The following KCNB2 variants were observed in gnomAD, a reference collection of about 807,000 sequenced individuals.
The protein encoded by KCNB2 is potassium voltage-gated channel subfamily B member 2.
Under a neutral mutation model 61.5 loss-of-function variants are expected in KCNB2, and 15 were observed. The ratio of observed to expected loss-of-function variants is 0.24; its 90% confidence interval spans 0.16 to 0.38. The LOEUF is 0.38. Among genes scored for constraint, KCNB2 ranks in the 10% least tolerant of loss-of-function variants. The pLI, the probability that KCNB2 is intolerant of heterozygous loss-of-function variation, is 1.00. For synonymous variants in KCNB2, 457 were observed against 446.0 expected (o/e 1.02, Z -0.31); for missense variants, 828 against 1,125.2 (o/e 0.74, Z 3.78).
At chr8:72,881,662 T>C (rs1236061915) in intron 2 of KCNB2, 1 of 150,220 alleles carries the variant, frequency 6.7e-6, no homozygotes, top group Non-Finnish European at 1.5e-5. Flanking sequence ...AGAAGTTAGA[T>C]GTTAATATTG....
intron 2 of KCNB2, among the ~76,000 whole-genome samples, chr8:72,885,351 C>G (rs562242919): frequency 1.6e-4 from 25 of 152,172 alleles, no homozygotes; most frequent in Non-Finnish European, 3.2e-4. Flanking sequence ...TTTCTATCCT[C>G]TAAAACACAT....
chr8:72,872,707 G>C (rs542116459), intron 2 of KCNB2, among the ~76,000 whole-genome samples: 2 of 152,218 alleles, frequency 1.3e-5, no homozygotes, highest in Non-Finnish European at 2.9e-5. Flanking sequence ...TAAACGAAGA[G>C]CATGGAGTTA....
At chr8:72,621,613 C>T (rs1805714755) in intron 2 of KCNB2, among the ~76,000 whole-genome samples, 1 of 152,122 alleles carries the variant, frequency 6.6e-6, no homozygotes, top group Non-Finnish European at 1.5e-5. Context: ...TGTTTGGATA[C>T]AGGCATGCAG....
At chr8:72,755,395 C>T (rs1420833119) in intron 2 of KCNB2, among the ~76,000 whole-genome samples, 2 of 152,122 alleles carry the variant, frequency 1.3e-5, no homozygotes, top group Non-Finnish European at 2.9e-5. Context: ...ATTTTTTATG[C>T]AAGATGTTAA....
chr8:72,588,075 T>C (rs1371555378), intron 2 of KCNB2, among the ~76,000 whole-genome samples: 1 of 152,218 alleles, frequency 6.6e-6, no homozygotes, highest in Non-Finnish European at 1.5e-5. Context: ...CAGAACTGGC[T>C]CTGGAAACAT....
chr8:72,700,113 C>T (rs1351683941), intron 2 of KCNB2, among the ~76,000 whole-genome samples: 2 of 152,086 alleles, frequency 1.3e-5, no homozygotes, highest in East Asian at 3.9e-4. Flanking sequence ...CCAAACACCA[C>T]ATGTTCTCAC....
chr8:72,551,957 G>A (rs991855453), intron 1 of KCNB2, among the ~76,000 whole-genome samples: 2 of 152,138 alleles, frequency 1.3e-5, no homozygotes, highest in Non-Finnish European at 2.9e-5. Context: ...ATGGAACCGG[G>A]AGCCCAGTTC....
chr8:72,617,597 C>CA (rs10706658), intron 2 of KCNB2, among the ~76,000 whole-genome samples: 55,515 of 135,974 alleles, frequency 0.41, 11,796 homozygotes, highest in Admixed American at 0.53. Flanking sequence ...CACAGAAGTG[C>CA]AAAAAAAAAA....
At chr8:72,637,632 T>C (rs1204561939) in intron 2 of KCNB2, among the ~76,000 whole-genome samples, 1 of 152,152 alleles carries the variant, frequency 6.6e-6, no homozygotes, top group Non-Finnish European at 1.5e-5. Flanking sequence ...TCTCTCTCAC[T>C]TCTTTAAAAG....
intron 2 of KCNB2, among the ~76,000 whole-genome samples, chr8:72,832,252 CT>C (rs1261267851): frequency 3.3e-5 from 5 of 152,138 alleles, no homozygotes; most frequent in African/African-American, 9.7e-5. Flanking sequence ...ACTCTTTGGA[CT>C]TTATTTTGCA....
intron 2 of KCNB2, among the ~76,000 whole-genome samples, chr8:72,664,127 T>A (rs1259311438): frequency 6.6e-6 from 1 of 152,222 alleles, no homozygotes; most frequent in Non-Finnish European, 1.5e-5. Context: ...CTTTCAAAGC[T>A]GTAAGATCCC....
intron 1 of KCNB2, among the ~76,000 whole-genome samples, chr8:72,565,672 C>A (rs1806613879): frequency 6.6e-6 from 1 of 151,968 alleles, no homozygotes; most frequent in Non-Finnish European, 1.5e-5. Context: ...AACACACACA[C>A]ACACAACACA....
intron 2 of KCNB2, among the ~76,000 whole-genome samples, chr8:72,644,897 G>A (rs901465031): frequency 2.6e-5 from 4 of 152,224 alleles, no homozygotes; most frequent in South Asian, 4.2e-4. Flanking sequence ...AGTCTAGGTC[G>A]GTTGACTCCA....
chr8:72,748,615 T>C (rs1179921875), intron 2 of KCNB2, among the ~76,000 whole-genome samples: 5 of 150,622 alleles, frequency 3.3e-5, no homozygotes, highest in Non-Finnish European at 7.4e-5. Context: ...TTTTGTTGTT[T>C]TTTTTTTTTT....
chr8:72,719,676 C>T (rs1807514864), intron 2 of KCNB2, among the ~76,000 whole-genome samples: 1 of 152,124 alleles, frequency 6.6e-6, no homozygotes, highest in Admixed American at 6.5e-5. Flanking sequence ...AGGTTCCACA[C>T]TTTCCTCCTT....
chr8:72,542,090 A>G (rs1437405039), intron 1 of KCNB2, among the ~76,000 whole-genome samples: 1 of 151,824 alleles, frequency 6.6e-6, no homozygotes, highest in Admixed American at 6.6e-5. Flanking sequence ...CTATGATAAC[A>G]TTATGAAAAC....
intron 2 of KCNB2, among the ~76,000 whole-genome samples, chr8:72,742,829 A>T (rs1270376589): frequency 6.6e-6 from 1 of 152,162 alleles, no homozygotes; most frequent in Non-Finnish European, 1.5e-5. Flanking sequence ...GACTTTACCC[A>T]TGACGTCTGA....
At chr8:72,772,485 G>A (rs542357910) in intron 2 of KCNB2, among the ~76,000 whole-genome samples, 50 of 152,294 alleles carry the variant, frequency 3.3e-4, no homozygotes, top group African/African-American at 1.1e-3. Flanking sequence ...TGAGTTTGAG[G>A]AATCCCGAGA....
At position 72,600,906 on chromosome 8, in the gene KCNB2, G is replaced by A. The variant is rs572316180; in HGVS notation, c.579+32593G>A. Reference sequence around the variant, plus strand: ...TAATAGGTACTAGGCTTAATACCTGGATAATGAAATAGTCAGTACAATAAA... The same window carrying A: ...TAATAGGTACTAGGCTTAATACCTGAATAATGAAATAGTCAGTACAATAAA... On this transcript the variant is annotated intron_variant, in intron 2 of 2. Coordinates refer to ENST00000523207, the MANE Select transcript of KCNB2 (RefSeq NM_004770.3). Among the ~76,000 whole-genome samples the A allele has an allele frequency of 3.3e-5, 5 of 151,800 alleles. No homozygotes were observed. In the East Asian group the frequency reaches 9.7e-4, roughly 29 times the overall value.
Sources: allele counts gnomAD v4.1 joint callset (sites outside exome capture counted in the v4.1 genomes callset), GRCh38; gene constraint gnomAD v4.1.1; transcripts MANE v1.5; gene names NCBI Gene and HGNC (gene_info 2026-07-23, HGNC 2026-07-21).